Variants in DERA observed in about 807,000 individuals in gnomAD.
DERA encodes the protein deoxyribose-phosphate aldolase, also known as 2-deoxy-D-ribose 5-phosphate aldolase.
DERA carries 15 observed loss-of-function variants against 41.1 expected under a neutral mutation model. The observed-to-expected ratio is 0.37, with a 90% CI of 0.24 to 0.56. The LOEUF is 0.56. Ranked by LOEUF, DERA falls within the 20% of genes least tolerant of loss-of-function variation. The pLI, the probability that DERA is intolerant of heterozygous loss-of-function variation, is 0.81. For synonymous variants in DERA, 139 were observed against 137.4 expected (o/e 1.01, Z -0.08); for missense variants, 396 against 403.4 (o/e 0.98, Z 0.16).
chr12:15,947,571 C>T (rs1033553366), intron 1 of DERA, among the ~76,000 whole-genome samples: 7 of 152,134 alleles, frequency 4.6e-5, no homozygotes, highest in Non-Finnish European at 1.0e-4. Flanking sequence ...GTAGATCTTC[C>T]TCCATCCCTT....
At chr12:16,018,179 G>T (rs1169060149) in intron 6 of DERA, among the ~76,000 whole-genome samples, 1 of 151,864 alleles carries the variant, frequency 6.6e-6, no homozygotes, top group East Asian at 1.9e-4. Context: ...ATACTACTTT[G>T]GTCTTAATAC....
At chr12:16,032,477 A>T in intron 6 of DERA, 65 bp from the exon 7 acceptor site, 1 of 915,220 alleles carries the variant, frequency 1.1e-6, no homozygotes, top group Non-Finnish European at 1.6e-6. Context: ...CATTTCTCCC[A>T]CTGACTCAAA....
chr12:15,914,652 G>A lies in DERA; in HGVS notation c.31+3238G>A, dbSNP rs574738518. ...CCTTGCAAATGTTATCTTTGGAGGC[G>A]TCTGGAGAATGCGGGTGTTATTAGA... On this transcript the variant is annotated intron_variant, in intron 1 of 8. Transcript: ENST00000428559. 6.6e-5 allele frequency among the ~76,000 whole-genome samples: 10 copies of A among 152,300 alleles called. No individual in the cohort carries two copies. The East Asian group carries it at 7.7e-4, about 12-fold the overall frequency.
At chr12:15,934,638 A>C (rs58317798) in intron 1 of DERA, among the ~76,000 whole-genome samples, 2,845 of 152,276 alleles carry the variant, frequency 0.019, 101 homozygotes, top group African/African-American at 0.064. Context: ...AACTATAGTA[A>C]ATTCAAAACA....
chr12:15,984,894 A>C lies in DERA; in HGVS notation c.637+2458A>C, dbSNP rs1309037477. 6.6e-6 allele frequency among the ~76,000 whole-genome samples: 1 copy of C among 152,206 alleles called. No individual in the cohort carries two copies. Reference sequence around the variant, plus strand: ...TGTCCCAATTTTATATGTAACTTGCACAAACTAATCTCCCCAAAAGTAATT... The same window carrying C: ...TGTCCCAATTTTATATGTAACTTGCCCAAACTAATCTCCCCAAAAGTAATT... On this transcript the variant is annotated intron_variant, in intron 6 of 8. Coordinates refer to ENST00000428559, the MANE Select transcript of DERA (RefSeq NM_015954.4). This position sits in a 1 kb window ranked among gnomAD's most constrained non-coding sequence, Gnocchi z 4.5.
intron 1 of DERA, among the ~76,000 whole-genome samples, chr12:15,950,787 T>C (rs1948491798): frequency 6.6e-6 from 1 of 152,222 alleles, no homozygotes; most frequent in South Asian, 2.1e-4. Flanking sequence ...ATGTATAATA[T>C]AGTTAATAGA....
At chr12:15,930,798 A>C (rs1948322053) in intron 1 of DERA, among the ~76,000 whole-genome samples, 1 of 152,148 alleles carries the variant, frequency 6.6e-6, no homozygotes, top group Admixed American at 6.5e-5. Context: ...TATGAAAAGT[A>C]AATGTTCCTG....
rs774876170 is a variant in DERA, at chr12:16,036,839, C to T, written c.*93C>T. On this transcript the variant is annotated 3_prime_UTR_variant, in exon 9 of 9. Coordinates refer to ENST00000428559, the MANE Select transcript of DERA (RefSeq NM_015954.4). This position sits in a 1 kb window ranked among gnomAD's most constrained non-coding sequence, Gnocchi z 4.9. ...AAAATTATTTAATTAAAAAATTGGG[C>T]AGTAGGTAACTGGCATTCCTCTCTT... 7.5e-6 allele frequency: 7 copies of T among 935,862 alleles called. No homozygotes were observed. Among genetic ancestry groups the T allele is most frequent in the Non-Finnish European group, 1.1e-5 (7 of 611,994 alleles). 58.0% of individuals were successfully genotyped at this position (935,862 alleles called of 1,614,324 possible).
intron 1 of DERA, among the ~76,000 whole-genome samples, chr12:15,925,360 TTTC>T (rs749736352): frequency 7.9e-5 from 12 of 152,320 alleles, no homozygotes; most frequent in Middle Eastern, 3.4e-3. Flanking sequence ...CTCTGTAAAT[TTTC>T]TTCTTATTAT....
At position 16,012,658 on chromosome 12, in the gene DERA, C is replaced by A. The variant is rs1948954145; in HGVS notation, c.638-19884C>A. Among the ~76,000 whole-genome samples the A allele has an allele frequency of 6.6e-6, 1 of 152,058 alleles. No homozygotes were observed. Among genetic ancestry groups the A allele is most frequent in the Admixed American group, 6.6e-5 (1 of 15,264 alleles). ...CTAGGCAGAATTAAGCCTTTTTTCTCAATAAATTTTAAACCAACATTTTAA... is the reference window on the plus strand; with the variant it reads ...CTAGGCAGAATTAAGCCTTTTTTCTAAATAAATTTTAAACCAACATTTTAA... On this transcript the variant is annotated intron_variant, in intron 6 of 8. Transcript: ENST00000428559. The surrounding 1 kb of genome is among the most constrained non-coding windows in gnomAD (Gnocchi z 4.1).
In DERA at chr12:16,020,281, A is replaced by T. The variant is rs1425988113; in HGVS notation, c.638-12261A>T. ...TGTCTTAAATGGCTGGAGCAGGAAG[A>T]AGAGAGAGGAGGGGAGGTGCTACAC... On this transcript the variant is annotated intron_variant, in intron 6 of 8. Coordinates refer to ENST00000428559, the MANE Select transcript of DERA (RefSeq NM_015954.4). The surrounding 1 kb of genome is among the most constrained non-coding windows in gnomAD (Gnocchi z 5.5). Among the ~76,000 whole-genome samples the T allele has an allele frequency of 6.6e-6, 1 of 152,166 alleles. No homozygotes were observed. Among genetic ancestry groups the T allele is most frequent in the Admixed American group, 6.5e-5 (1 of 15,274 alleles).
Position 15,995,968 on chromosome 12 carries a change from A to T in DERA, c.637+13532A>T, listed in dbSNP as rs1468851717. ...TAGGAAGAATTTCGTCAGTGTCTGAATCACCTGGAAATTGGGTGCGCCACA... is the reference window on the plus strand; with the variant it reads ...TAGGAAGAATTTCGTCAGTGTCTGATTCACCTGGAAATTGGGTGCGCCACA... On this transcript the variant is annotated intron_variant, in intron 6 of 8. Transcript: ENST00000428559. This position sits in a 1 kb window ranked among gnomAD's most constrained non-coding sequence, Gnocchi z 5.1. 1.3e-5 allele frequency among the ~76,000 whole-genome samples: 2 copies of T among 152,126 alleles called. No individual in the cohort carries two copies. Among genetic ancestry groups the T allele is most frequent in the Non-Finnish European group, 2.9e-5 (2 of 68,020 alleles).
chr12:16,036,856 T>TTGATAGTATAATTATTAA lies in DERA; in HGVS notation c.*110_*111insTGATAGTATAATTATTAA. The TTGATAGTATAATTATTAA allele has an allele frequency of 1.3e-6, 1 of 776,806 alleles. No homozygotes were observed. Among genetic ancestry groups the TTGATAGTATAATTATTAA allele is most frequent in the Admixed American group, 3.0e-5 (1 of 33,420 alleles). 48.1% of individuals were successfully genotyped at this position (776,806 alleles called of 1,614,324 possible). A position where few individuals can be genotyped will look rare whatever the true frequency, so the allele number is the denominator to read the frequency against. On this transcript the variant is annotated 3_prime_UTR_variant, in exon 9 of 9. Transcript: ENST00000428559. This position sits in a 1 kb window ranked among gnomAD's most constrained non-coding sequence, Gnocchi z 4.9. ...AAATTGGGCAGTAGGTAACTGGCAT[T>TTGATAGTATAATTATTAA]CCTCTCTTTAAAATTTCTACCGAAC...
At chr12:15,939,744 C>T (rs1293268042) in intron 1 of DERA, among the ~76,000 whole-genome samples, 1 of 151,928 alleles carries the variant, frequency 6.6e-6, no homozygotes, top group Non-Finnish European at 1.5e-5. Context: ...CAGAATGGCT[C>T]TTAACTCTTC....
intron 1 of DERA, among the ~76,000 whole-genome samples, chr12:15,925,224 G>T (rs1948273343): frequency 6.7e-6 from 1 of 150,186 alleles, no homozygotes; most frequent in Non-Finnish European, 1.5e-5. Context: ...AATGCCTCTT[G>T]ATGTTATCTG....
At chr12:15,960,635 T>TAAA (rs1948578775) in intron 4 of DERA, among the ~76,000 whole-genome samples, 1 of 20,512 alleles carries the variant, frequency 4.9e-5, no homozygotes, top group Admixed American at 1.1e-3. Context: ...AGACTCCGTC[T>TAAA]CAAAAAAAAA....
intron 6 of DERA, among the ~76,000 whole-genome samples, chr12:15,997,689 A>G (rs911216024): frequency 2.6e-5 from 4 of 152,212 alleles, no homozygotes; most frequent in African/African-American, 7.2e-5. Flanking sequence ...AAAAAAATCC[A>G]TAAAATCCAT....
rs563735103 is a variant in DERA, at chr12:15,988,362, T to G, written c.637+5926T>G. Among the ~76,000 whole-genome samples the G allele has an allele frequency of 6.6e-6, 1 of 152,220 alleles. No individual in the cohort carries two copies. Among genetic ancestry groups the G allele is most frequent in the East Asian group, 1.9e-4 (1 of 5,162 alleles). On this transcript the variant is annotated intron_variant, in intron 6 of 8. Transcript: ENST00000428559. This position sits in a 1 kb window ranked among gnomAD's most constrained non-coding sequence, Gnocchi z 6.0. ...AGGGTGAGCAAGGCACAGAGGAGCT[T>G]CATTAAGCAACAGAACAGCTGTCAG...
Position 15,998,669 on chromosome 12 carries a change from G to A in DERA, c.637+16233G>A, listed in dbSNP as rs2136171691. On this transcript the variant is annotated intron_variant, in intron 6 of 8. Coordinates refer to ENST00000428559, the MANE Select transcript of DERA (RefSeq NM_015954.4). The surrounding 1 kb of genome is among the most constrained non-coding windows in gnomAD (Gnocchi z 4.8). ...TTGTAGTTCAGAGATGGCTTAAAGAGCTTCAGATTCTGAGGTAGGAAGCAC... is the reference window on the plus strand; with the variant it reads ...TTGTAGTTCAGAGATGGCTTAAAGAACTTCAGATTCTGAGGTAGGAAGCAC... Among the ~76,000 whole-genome samples, 1 of 152,272 alleles carries A rather than the reference G, an allele frequency of 6.6e-6. No homozygotes were observed. Among genetic ancestry groups the A allele is most frequent in the African/African-American group, 2.4e-5 (1 of 41,548 alleles).
Sources: allele counts gnomAD v4.1 joint callset (sites outside exome capture counted in the v4.1 genomes callset), GRCh38; gene constraint gnomAD v4.1.1; non-coding constraint Gnocchi (gnomAD v3.1); transcripts MANE v1.5; gene names NCBI Gene and HGNC (gene_info 2026-07-23, HGNC 2026-07-21).